The following SGCD variants were observed in gnomAD, a reference collection of about 807,000 sequenced individuals.
The protein encoded by SGCD is sarcoglycan delta.
SGCD carries 18 observed loss-of-function variants against 36.6 expected under a neutral mutation model. The ratio of observed to expected loss-of-function variants is 0.49; its 90% CI spans 0.34 to 0.73. SGCD has a LOEUF of 0.73. Ranked by LOEUF, SGCD falls within the 30% of genes least tolerant of loss-of-function variation. The probability of loss-of-function intolerance (pLI) is 0.01; values close to 1 mark genes in which losing one functional copy is unlikely to be tolerated. For missense variants in SGCD, 387 were observed against 346.7 expected, an observed-to-expected ratio of 1.12 and a Z score of -0.92; for synonymous variants, 133 against 130.6, an observed-to-expected ratio of 1.02 and a Z score of -0.12.
chr5:156,626,356 G>A (rs1297562317), intron 6 of SGCD, among the ~76,000 whole-genome samples: 1 of 152,182 alleles, frequency 6.6e-6, no homozygotes, highest in East Asian at 1.9e-4. Context: ...CATGCACACA[G>A]CAAGTGAGCA....
intron 3 of SGCD, among the ~76,000 whole-genome samples, chr5:156,249,965 C>T (rs1258371920): frequency 1.3e-5 from 2 of 152,116 alleles, no homozygotes. Context: ...GGGCCATGTG[C>T]CCATACAGGA....
chr5:156,743,474 T>C (rs1581515872), intron 7 of SGCD, among the ~76,000 whole-genome samples: 1 of 152,234 alleles, frequency 6.6e-6, no homozygotes, highest in Non-Finnish European at 1.5e-5. Context: ...ATAAAATTAC[T>C]TTCTTTCTAA....
At chr5:156,594,288 C>T (rs2113386526) in intron 5 of SGCD, among the ~76,000 whole-genome samples, 1 of 152,302 alleles carries the variant, frequency 6.6e-6, no homozygotes, top group Non-Finnish European at 1.5e-5. Context: ...TACAGCTCCA[C>T]ATTCAAGAAC....
At chr5:156,239,594 T>C (rs563131176) in intron 3 of SGCD, among the ~76,000 whole-genome samples, 5 of 152,288 alleles carry the variant, frequency 3.3e-5, no homozygotes, top group African/African-American at 1.2e-4. Context: ...GAAAAAAATA[T>C]TGTTTTCTAT....
chr5:156,600,323 C>A (rs1053810104), intron 6 of SGCD, among the ~76,000 whole-genome samples: 1 of 152,146 alleles, frequency 6.6e-6, no homozygotes, highest in Admixed American at 6.5e-5. Context: ...CCTCCATCCC[C>A]TCCCAATTTA....
chr5:156,031,833 C>T (rs1759354319), intron 1 of SGCD, among the ~76,000 whole-genome samples: 1 of 152,150 alleles, frequency 6.6e-6, no homozygotes, highest in Non-Finnish European at 1.5e-5. Flanking sequence ...AGATTTGAAC[C>T]AAGTGGTCTG....
chr5:156,425,119 T>G (rs754637779), intron 3 of SGCD, among the ~76,000 whole-genome samples: 9 of 152,200 alleles, frequency 5.9e-5, no homozygotes, highest in Admixed American at 2.6e-4. Context: ...TAAGCAACCC[T>G]TTCAAAGGAC....
At chr5:156,686,649 G>C (rs1753916106) in intron 7 of SGCD, among the ~76,000 whole-genome samples, 1 of 152,162 alleles carries the variant, frequency 6.6e-6, no homozygotes, top group African/African-American at 2.4e-5. Context: ...GTGTCTAGGG[G>C]ACAAAGCAGC....
intron 3 of SGCD, among the ~76,000 whole-genome samples, chr5:156,502,743 G>A (rs763755262): frequency 4.6e-5 from 7 of 152,160 alleles, no homozygotes; most frequent in Non-Finnish European, 4.4e-5. Context: ...TTCTTATGTA[G>A]TAAAAGATGA....
chr5:156,082,354 A>G (rs754208579), intron 1 of SGCD, among the ~76,000 whole-genome samples: 21 of 152,000 alleles, frequency 1.4e-4, no homozygotes, highest in Non-Finnish European at 1.9e-4. Context: ...AAAGTGCCAT[A>G]TTTTGGAGTA....
intron 7 of SGCD, among the ~76,000 whole-genome samples, chr5:156,717,294 T>G (rs931598065): frequency 2.0e-5 from 3 of 152,174 alleles, no homozygotes; most frequent in African/African-American, 7.2e-5. Context: ...GATCTAGCTT[T>G]CTTTACAAGG....
rs1053055291 is a variant in SGCD, at chr5:155,969,447, A to T, written c.-282+99023A>T. On this transcript the variant is annotated intron_variant, in intron 1 of 9. Coordinates refer to the SGCD transcript ENST00000517913. ...ACTGCACACATTAAAAAATAAATAAATAAAAGAATTCATAGCAATCAAGTT... is the reference window on the plus strand; with the variant it reads ...ACTGCACACATTAAAAAATAAATAATTAAAAGAATTCATAGCAATCAAGTT... Among the ~76,000 whole-genome samples, 3 of 152,154 alleles carry T rather than the reference A, an allele frequency of 2.0e-5. No individual in the cohort carries two copies. In the East Asian group the frequency reaches 5.8e-4, roughly 29 times the overall value.
chr5:156,345,059 A>G (rs2127717119), intron 3 of SGCD, among the ~76,000 whole-genome samples: 1 of 152,360 alleles, frequency 6.6e-6, no homozygotes, highest in South Asian at 2.1e-4. Context: ...TTTTTGAAGT[A>G]GAGAGTTGAA....
intron 1 of SGCD, among the ~76,000 whole-genome samples, chr5:155,982,306 C>T (rs1189934687): frequency 6.6e-6 from 1 of 152,178 alleles, no homozygotes; most frequent in Non-Finnish European, 1.5e-5. Flanking sequence ...ATTCTCAATA[C>T]ATGTTTGAAC....
At chr5:155,810,725 T>A in the SGCD span, among the ~76,000 whole-genome samples, 1 of 147,880 alleles carries the variant, frequency 6.8e-6, no homozygotes, top group Admixed American at 6.8e-5. Context: ...TAAAAATGAT[T>A]TGGCTCGAAA....
chr5:156,576,540 A>G (rs1759965422), intron 4 of SGCD, among the ~76,000 whole-genome samples: 1 of 152,198 alleles, frequency 6.6e-6, no homozygotes, highest in African/African-American at 2.4e-5. Context: ...CACTCCCACC[A>G]ACAGTGTAAA....
chr5:156,021,128 T>A (rs1315062979), intron 1 of SGCD, among the ~76,000 whole-genome samples: 1 of 152,224 alleles, frequency 6.6e-6, no homozygotes, highest in African/African-American at 2.4e-5. Flanking sequence ...TCCACTAATA[T>A]GCCCCTGAAT....
intron 4 of SGCD, among the ~76,000 whole-genome samples, chr5:156,580,816 GT>G (rs1760223377): frequency 6.6e-6 from 1 of 152,020 alleles, no homozygotes; most frequent in Non-Finnish European, 1.5e-5. Context: ...TTTTTTCAAG[GT>G]TTTTAGCTTC....
Position 156,364,133 on chromosome 5 carries a change from A to G in SGCD, c.192+19456A>G, listed in dbSNP as rs572587636. 1.8e-4 allele frequency among the ~76,000 whole-genome samples: 28 copies of G among 152,290 alleles called. No homozygotes were observed. The South Asian group carries it at 2.7e-3, about 15-fold the overall frequency. On this transcript the variant is annotated intron_variant, in intron 3 of 8. Coordinates refer to ENST00000337851, the MANE Select transcript of SGCD (RefSeq NM_000337.6). ...ATGCTGAGAAAGCAGTCACAGATCTATCTCTCAGAACTGAATCTACTGAGT... is the reference window on the plus strand; with the variant it reads ...ATGCTGAGAAAGCAGTCACAGATCTGTCTCTCAGAACTGAATCTACTGAGT...
Sources: allele counts gnomAD v4.1 joint callset (sites outside exome capture counted in the v4.1 genomes callset), GRCh38; gene constraint gnomAD v4.1.1; transcripts MANE v1.5; gene names NCBI Gene and HGNC (gene_info 2026-07-23, HGNC 2026-07-21).